Variants in MROH1 observed in about 807,000 individuals in gnomAD.
MROH1 encodes maestro heat like repeat family member 1.
A neutral mutation model predicts 116.5 loss-of-function variants in MROH1; 117 were observed. The observed-to-expected ratio is 1.00, with a 90% CI of 0.86 to 1.17. MROH1 has a LOEUF of 1.17. MROH1 is among the 50% of genes most tolerant of loss of function. The pLI is 0.00. For missense variants in MROH1, 1,873 were observed against 1,338.5 expected, an observed-to-expected ratio of 1.40 and a Z score of -6.23; for synonymous variants, 921 against 583.9, an observed-to-expected ratio of 1.58 and a Z score of -8.32.
intron 12 of MROH1, chr8:144,213,444 CAAAT>C (rs1223029215): frequency 1.3e-5 from 3 of 222,858 alleles, no homozygotes; most frequent in African/African-American, 6.8e-5. Flanking sequence ...TTAGCAAAAA[CAAAT>C]AAACAGGATG....
chr8:144,179,606 G>A lies in MROH1; in HGVS notation c.300+20G>A, dbSNP rs1564407619. On this transcript the variant is annotated intron_variant, in intron 5 of 43. Coordinates refer to ENST00000326134, the MANE Select transcript of MROH1 (RefSeq NM_032450.3). ...ACGAAGGTATTCAGCAGGCCCTCTG[G>A]CCTCGCAGACTCAGGCCTAGCTTGG... 5.7e-6 allele frequency: 9 copies of A among 1,584,822 alleles called. No individual in the cohort carries two copies. The highest frequency in any genetic ancestry group is 6.0e-6 in the Non-Finnish European group (7 of 1,166,140).
rs531442160 is a variant in MROH1, at chr8:144,201,467, T to C, written c.1141+926T>C. Among the ~76,000 whole-genome samples the C allele has an allele frequency of 5.3e-5, 8 of 152,334 alleles. No individual in the cohort carries two copies. The South Asian group carries it at 1.4e-3, about 28-fold the overall frequency. ...TCCGCAGGTCAGTGCACAGTGGCCA[T>C]GGCCCACCGGCCCTGCAGCCTGCCC... On this transcript the variant is annotated intron_variant, in intron 12 of 43. Coordinates refer to ENST00000326134, the MANE Select transcript of MROH1 (RefSeq NM_032450.3).
chr8:144,244,004 TTG>T (rs1206328702), intron 26 of MROH1, 62 bp downstream of exon 26: 38 of 759,302 alleles, frequency 5.0e-5, no homozygotes, highest in Non-Finnish European at 7.8e-5. Flanking sequence ...TGTGTGTGCA[TTG>T]TGTGTGCACG....
In MROH1 at chr8:144,222,085, A is replaced by G. The variant is rs567485205; in HGVS notation, c.1216-1023A>G. On this transcript the variant is annotated intron_variant, in intron 13 of 43. Transcript: ENST00000326134. ...CAGATTCAGGGACCAGATTTATGGTACACCCCAGGAAACATGGGGATCACA... is the reference window on the plus strand; with the variant it reads ...CAGATTCAGGGACCAGATTTATGGTGCACCCCAGGAAACATGGGGATCACA... Among the ~76,000 whole-genome samples the G allele has an allele frequency of 5.9e-5, 9 of 152,188 alleles. No individual in the cohort carries two copies. In the South Asian group the frequency reaches 1.7e-3, roughly 28 times the overall value.
At chr8:144,159,790 C>T (rs867172547) in intron 1 of MROH1, among the ~76,000 whole-genome samples, 6 of 112,202 alleles carry the variant, frequency 5.3e-5, no homozygotes, top group Admixed American at 1.3e-4. Flanking sequence ...TTTTTTGAGA[C>T]GGAGTCTCGC....
chr8:144,225,114 T>C (rs1410770936), intron 14 of MROH1, among the ~76,000 whole-genome samples: 1 of 151,980 alleles, frequency 6.6e-6, no homozygotes, highest in African/African-American at 2.4e-5. Context: ...TAATGGCCCA[T>C]TGCAGGCTCA....
intron 12 of MROH1, among the ~76,000 whole-genome samples, chr8:144,219,571 G>A (rs956363022): frequency 2.6e-5 from 4 of 152,174 alleles, no homozygotes; most frequent in Non-Finnish European, 4.4e-5. Flanking sequence ...TCTGGAACCT[G>A]TCTTTTCTGA....
At chr8:144,152,951 G>A (rs1053222763) in intron 1 of MROH1, among the ~76,000 whole-genome samples, 4 of 152,068 alleles carry the variant, frequency 2.6e-5, no homozygotes, top group Middle Eastern at 3.2e-3. Context: ...TCTATGTTGT[G>A]CAATTGATCT....
intron 19 of MROH1, 133 bp downstream of exon 19, chr8:144,240,286 C>G (rs1265583565): frequency 1.6e-6 from 1 of 636,070 alleles, no homozygotes; most frequent in African/African-American, 1.8e-5. Context: ...GATCAGGCAG[C>G]ATCAAGGCTG....
intron 35 of MROH1, among the ~76,000 whole-genome samples, chr8:144,257,274 G>A (rs1844051747): frequency 6.6e-6 from 1 of 152,196 alleles, no homozygotes; most frequent in Non-Finnish European, 1.5e-5. Flanking sequence ...ACCTTGGGGA[G>A]GGAACCCGTG....
rs1169661020 is a variant in MROH1 at position 144,260,785 on chromosome 8, G to T, written c.4489G>T (p.Ala1497Ser). ...VFLDQVVGGL[A>S]PLLLHLQDPQ... ...CCTGGACCAGGTGGTGGGCGGGCTG[G>T]CGCCCCTGCTGCTGCACCTGCAGGA... Residue 1497 changes from alanine to serine, a missense_variant, in exon 40 of 44, where the codon GCG becomes TCG. Transcript: ENST00000326134. 4 of 778,374 alleles carry T rather than the reference G, an allele frequency of 5.1e-6. No individual in the cohort carries two copies. Among genetic ancestry groups the T allele is most frequent in the Non-Finnish European group, 9.6e-6 (4 of 417,782 alleles). The allele number at this position is 778,374 out of a possible 1,614,324, so 48.2% of individuals were successfully genotyped here. A position where few individuals can be genotyped will look rare whatever the true frequency, so the allele number is the denominator to read the frequency against.
At chr8:144,221,571 T>C (rs1361793359) in intron 13 of MROH1, among the ~76,000 whole-genome samples, 1 of 151,954 alleles carries the variant, frequency 6.6e-6, no homozygotes, top group East Asian at 1.9e-4. Context: ...TCTGTGAGAC[T>C]CTTGTTGTTT....
At position 144,180,612 on chromosome 8, in the gene MROH1, G is replaced by C; in HGVS notation, c.562+89G>C. On this transcript the variant is annotated intron_variant, in intron 7 of 43. Transcript: ENST00000326134. This position sits in a 1 kb window ranked among gnomAD's most constrained non-coding sequence, Gnocchi z 7.4. ...TGCCTGTTTTAGGGGGGACAGGTGG[G>C]CACTTTAGGCTGCAGGAAGGGGGGC... 1 of 1,263,922 alleles carries C rather than the reference G, an allele frequency of 7.9e-7. No individual in the cohort carries two copies. Among genetic ancestry groups the C allele is most frequent in the Non-Finnish European group, 1.1e-6 (1 of 915,432 alleles). The allele number at this position is 1,263,922 out of a possible 1,614,324, so 78.3% of individuals were successfully genotyped here.
chr8:144,174,841 C>T lies in MROH1; in HGVS notation c.169-4614C>T, dbSNP rs576350415. 2,682 of 985,314 alleles carry T rather than the reference C, an allele frequency of 2.7e-3. 9 individuals are homozygous for T. Among genetic ancestry groups the T allele is most frequent in the Admixed American group, 3.6e-3 (58 of 16,244 alleles). 61.0% of individuals were successfully genotyped at this position (985,314 alleles called of 1,614,324 possible). A position where few individuals can be genotyped will look rare whatever the true frequency, so the allele number is the denominator to read the frequency against. ...CCTTTTTCATGGGTTCCTATGTTTT[C>T]CAGTTGCATAACCCATTGCAGACTT... is the stretch of plus-strand genomic sequence containing the variant. On this transcript the variant is annotated intron_variant, in intron 4 of 43. Transcript: ENST00000326134.
intron 14 of MROH1, among the ~76,000 whole-genome samples, chr8:144,233,084 C>T (rs1178811094): frequency 1.3e-5 from 2 of 151,954 alleles, no homozygotes; most frequent in African/African-American, 4.8e-5. Context: ...TCTGCCTTGG[C>T]CTCCCAAAGG....
intron 10 of MROH1, among the ~76,000 whole-genome samples, chr8:144,193,649 C>T (rs1222493966): frequency 6.6e-6 from 1 of 152,102 alleles, no homozygotes; most frequent in East Asian, 1.9e-4. Flanking sequence ...GCTCTTGATG[C>T]CCTGGCTGGA....
chr8:144,218,382 C>A (rs1020529431), intron 12 of MROH1, among the ~76,000 whole-genome samples: 2 of 152,034 alleles, frequency 1.3e-5, no homozygotes, highest in South Asian at 4.1e-4. Flanking sequence ...GGTTTTGCAC[C>A]GGACTCCTGC....
Position 144,242,282 on chromosome 8 carries a change from A to C in MROH1, c.2179-87A>C, listed in dbSNP as rs1364034076. The C allele has an allele frequency of 1.2e-5, 9 of 777,906 alleles. No homozygotes were observed. In the East Asian group the frequency reaches 2.2e-4, roughly 19 times the overall value. The allele number at this position is 777,906 out of a possible 1,614,324, so 48.2% of individuals were successfully genotyped here. The stretch of plus-strand genomic sequence containing the variant: ...GACTGGCTCTGGCCCTTCTTCTGGG[A>C]GGATTTCAGGAGTTTCTGAGCCGAG... On this transcript the variant is annotated intron_variant, in intron 22 of 43. Coordinates refer to ENST00000326134, the MANE Select transcript of MROH1 (RefSeq NM_032450.3).
At chr8:144,170,375 C>G (rs967280983) in intron 4 of MROH1, among the ~76,000 whole-genome samples, 3 of 152,200 alleles carry the variant, frequency 2.0e-5, no homozygotes, top group African/African-American at 7.2e-5. Context: ...TATACACATG[C>G]TGAGCTGGAA....
Sources: allele counts gnomAD v4.1 joint callset (sites outside exome capture counted in the v4.1 genomes callset), GRCh38; gene constraint gnomAD v4.1.1; non-coding constraint Gnocchi (gnomAD v3.1); transcripts MANE v1.5; gene names NCBI Gene and HGNC (gene_info 2026-07-23, HGNC 2026-07-21).